The following ZHX3 variants were observed in gnomAD, a reference collection of about 807,000 sequenced individuals.
The protein encoded by ZHX3 is zinc fingers and homeoboxes protein 3.
In ZHX3, 20 loss-of-function variants were observed where a neutral mutation model predicts 64.5. The ratio of observed to expected loss-of-function variants is 0.31; its 90% CI spans 0.22 to 0.45. The LOEUF is 0.45. ZHX3 is among the 20% of genes least tolerant of loss of function. The pLI, the probability that ZHX3 is intolerant of heterozygous loss-of-function variation, is 1.00. For synonymous variants in ZHX3, 423 were observed against 461.6 expected (o/e 0.92, Z 1.07); for missense variants, 1,041 against 1,195.8 (o/e 0.87, Z 1.91).
At chr20:41,210,971 C>G (rs2039118368) in intron 2 of ZHX3, among the ~76,000 whole-genome samples, 1 of 152,088 alleles carries the variant, frequency 6.6e-6, no homozygotes, top group South Asian at 2.1e-4. Context: ...CATCCCTTAC[C>G]TGTGAATTTA....
At chr20:41,313,097 A>G (rs1388980167) in intron 1 of ZHX3, among the ~76,000 whole-genome samples, 1 of 152,224 alleles carries the variant, frequency 6.6e-6, no homozygotes, top group African/African-American at 2.4e-5. Context: ...GAGTGAGGAA[A>G]TGAGAAGAAT....
At chr20:41,246,642 G>A (rs1437126907) in intron 2 of ZHX3, among the ~76,000 whole-genome samples, 3 of 152,148 alleles carry the variant, frequency 2.0e-5, no homozygotes, top group Admixed American at 6.5e-5. Context: ...GGAGGCTGAG[G>A]CAGGTGGAAC....
At chr20:41,239,848 C>G (rs2041264216) in intron 2 of ZHX3, 1 of 152,122 alleles carries the variant, frequency 6.6e-6, no homozygotes, top group African/African-American at 2.4e-5. Flanking sequence ...CTATTTTTAT[C>G]GTTTAACAAA....
At chr20:41,258,553 G>T (rs1201221736) in intron 2 of ZHX3, among the ~76,000 whole-genome samples, 1 of 152,072 alleles carries the variant, frequency 6.6e-6, no homozygotes, top group African/African-American at 2.4e-5. Context: ...GTATTAAACA[G>T]TTATTTTGTT....
chr20:41,263,676 G>T (rs762548321), intron 2 of ZHX3, among the ~76,000 whole-genome samples: 3 of 152,082 alleles, frequency 2.0e-5, no homozygotes, highest in African/African-American at 7.2e-5. Context: ...TAGGATTACA[G>T]GCATGAGCCA....
chr20:41,264,935 C>T (rs932825735), intron 2 of ZHX3, among the ~76,000 whole-genome samples: 2 of 152,030 alleles, frequency 1.3e-5, no homozygotes, highest in African/African-American at 2.4e-5. Flanking sequence ...TTTTCTTACC[C>T]TGATTGAGTA....
intron 1 of ZHX3, among the ~76,000 whole-genome samples, chr20:41,270,197 T>C (rs1021847657): frequency 1.3e-4 from 19 of 141,798 alleles, no homozygotes; most frequent in African/African-American, 4.2e-4. Context: ...TGATACAGCC[T>C]GACCAACATG....
intron 2 of ZHX3, among the ~76,000 whole-genome samples, chr20:41,218,095 G>A (rs1345011389): frequency 1.3e-5 from 2 of 151,822 alleles, no homozygotes; most frequent in African/African-American, 4.8e-5. Flanking sequence ...GAGAGCTATG[G>A]TTCCGTCATT....
chr20:41,189,534 C>A (rs762129884), intron 3 of ZHX3, among the ~76,000 whole-genome samples: 37 of 152,152 alleles, frequency 2.4e-4, no homozygotes, highest in Non-Finnish European at 5.9e-5. Flanking sequence ...GTTTTCCTTG[C>A]AGAGATCTTT....
chr20:41,269,160 C>T (rs1005087827), intron 1 of ZHX3, 77 bp from the exon 2 acceptor site: 1 of 152,122 alleles, frequency 6.6e-6, no homozygotes, highest in Non-Finnish European at 1.5e-5. Flanking sequence ...CATCAGTCTC[C>T]CTTCCTAATT....
At chr20:41,271,379 C>T (rs1432666492) in intron 1 of ZHX3, among the ~76,000 whole-genome samples, 1 of 152,154 alleles carries the variant, frequency 6.6e-6, no homozygotes, top group Admixed American at 6.5e-5. Flanking sequence ...CTTGCCAGAT[C>T]CCTTCTAACT....
intron 1 of ZHX3, among the ~76,000 whole-genome samples, chr20:41,285,734 G>A (rs755948308): frequency 4.6e-5 from 7 of 152,184 alleles, no homozygotes; most frequent in Non-Finnish European, 8.8e-5. Context: ...TAGCCGTGCT[G>A]TTCACTAGCT....
intron 2 of ZHX3, among the ~76,000 whole-genome samples, 152 bp from the exon 3 acceptor site, chr20:41,205,218 G>A (rs2038599921): frequency 6.6e-6 from 1 of 152,034 alleles, no homozygotes; most frequent in Non-Finnish European, 1.5e-5. Context: ...TCTAAGTTAG[G>A]AACCCCCTAA....
Position 41,201,162 on chromosome 20 carries a change from G to T in ZHX3, c.2860+895C>A. ...AAAGTCACCACGGAACCATCACATT[G>T]CCCAACACCACAAATAGTGTCTCCT... On this transcript the variant is annotated intron_variant, in intron 3 of 3. Transcript: ENST00000683867. The surrounding 1 kb of genome is among the most constrained non-coding windows in gnomAD (Gnocchi z 5.0). The T allele has an allele frequency of 1.7e-6, 1 of 603,060 alleles. No individual in the cohort carries two copies. Among genetic ancestry groups the T allele is most frequent in the Non-Finnish European group, 2.4e-6 (1 of 411,292 alleles). 37.4% of individuals were successfully genotyped at this position (603,060 alleles called of 1,614,324 possible).
intron 1 of ZHX3, among the ~76,000 whole-genome samples, chr20:41,303,996 T>C (rs998187832): frequency 1.8e-4 from 28 of 152,218 alleles, no homozygotes; most frequent in African/African-American, 6.5e-4. Context: ...TCTTAAGAGC[T>C]AAATCCAATG....
chr20:41,236,991 A>C (rs1483658529), intron 2 of ZHX3, among the ~76,000 whole-genome samples: 5 of 152,272 alleles, frequency 3.3e-5, no homozygotes, highest in Non-Finnish European at 7.3e-5. Flanking sequence ...ACATTTATGC[A>C]GCCAAAAGAC....
rs534212524 is a variant in ZHX3 at position 41,202,514 on chromosome 20, C to T, written c.2403G>A (p.Thr801=). The change falls in exon 3 of 4, where the codon ACG becomes ACA. Residue 801 remains threonine, a synonymous_variant. Transcript: ENST00000683867. The surrounding 1 kb of genome is among the most constrained non-coding windows in gnomAD (Gnocchi z 7.0). ...GCACCACCTCTGGCCGTGGCAGACC[C>T]GTCTGGGCCATGATGGAGTCATAGT... ...NQDYDSIMAQ[T]GLPRPEVVRW... is the part of the protein sequence containing the mutation. 5.0e-5 allele frequency: 81 copies of T among 1,614,168 alleles called. No homozygotes were observed. The East Asian group carries it at 1.6e-3, about 33-fold the overall frequency.
chr20:41,274,190 A>G (rs1239864803), intron 1 of ZHX3, among the ~76,000 whole-genome samples: 1 of 152,204 alleles, frequency 6.6e-6, no homozygotes, highest in African/African-American at 2.4e-5. Context: ...GGGCTATGGA[A>G]AAGGTCAGAA....
chr20:41,210,283 G>C (rs1285223731), intron 2 of ZHX3, among the ~76,000 whole-genome samples: 2 of 152,240 alleles, frequency 1.3e-5, no homozygotes, highest in Non-Finnish European at 2.9e-5. Context: ...GTGGAAGACA[G>C]TGTGGCCATT....
Sources: gnomAD v4.1 joint callset for allele counts (sites outside exome capture counted in the v4.1 genomes callset) on GRCh38, gnomAD v4.1.1 for gene constraint, Gnocchi (gnomAD v3.1) non-coding constraint, MANE v1.5 for transcripts, NCBI Gene and HGNC (gene_info 2026-07-23, HGNC 2026-07-21) for gene names.